Variants in RAB10 observed in about 807,000 individuals in gnomAD.
RAB10 encodes RAB10, member RAS oncogene family, also known as ras-related protein Rab-10.
RAB10 carries 5 observed loss-of-function variants against 25.7 expected under a neutral mutation model. The observed-to-expected ratio is 0.19, with a 90% CI of 0.10 to 0.41. The LOEUF is 0.41. RAB10 is among the 10% of genes least tolerant of loss of function. The pLI is 1.00. For missense variants in RAB10, 103 were observed against 245.8 expected (o/e 0.42, Z 3.89); for synonymous variants, 89 against 86.4 (o/e 1.03, Z -0.16).
intron 1 of RAB10, among the ~76,000 whole-genome samples, chr2:26,060,958 A>T (rs1666381164): frequency 6.6e-6 from 1 of 152,122 alleles, no homozygotes; most frequent in South Asian, 2.1e-4. Flanking sequence ...CTTCAGTTAC[A>T]TGTAATTTTG....
chr2:26,123,391 A>G (rs897562211), intron 3 of RAB10, among the ~76,000 whole-genome samples: 10 of 152,334 alleles, frequency 6.6e-5, no homozygotes, highest in African/African-American at 2.4e-4. Flanking sequence ...GAACATCATG[A>G]AAATCTGGAG....
At chr2:26,045,238 C>CTT (rs202201784) in intron 1 of RAB10, among the ~76,000 whole-genome samples, 4 of 146,476 alleles carry the variant, frequency 2.7e-5, no homozygotes, top group African/African-American at 7.5e-5. Context: ...TCTCTTTCAA[C>CTT]TTTTTTTTTT....
At chr2:26,119,902 C>T (rs1319665362) in intron 3 of RAB10, among the ~76,000 whole-genome samples, 1 of 152,154 alleles carries the variant, frequency 6.6e-6, no homozygotes, top group Non-Finnish European at 1.5e-5. Flanking sequence ...ATACCTATTT[C>T]CTCACTAGCC....
intron 5 of RAB10, among the ~76,000 whole-genome samples, chr2:26,128,526 C>A (rs1176570025): frequency 1.3e-5 from 2 of 152,092 alleles, no homozygotes; most frequent in African/African-American, 4.8e-5. Context: ...TTATTTTTTC[C>A]AGCTTTTTGT....
chr2:26,065,444 T>G (rs1183581321), intron 1 of RAB10, among the ~76,000 whole-genome samples: 5 of 152,180 alleles, frequency 3.3e-5, no homozygotes, highest in African/African-American at 1.2e-4. Context: ...CTTCCCTGTT[T>G]GCAAGCTTTT....
chr2:26,057,424 G>A (rs1666292665), intron 1 of RAB10, among the ~76,000 whole-genome samples: 1 of 146,224 alleles, frequency 6.8e-6, no homozygotes, highest in South Asian at 2.1e-4. Flanking sequence ...GGGCAACATA[G>A]ACAGTCTCTA....
intron 1 of RAB10, among the ~76,000 whole-genome samples, chr2:26,075,151 T>C (rs1428164067): frequency 6.6e-6 from 1 of 152,150 alleles, no homozygotes; most frequent in Non-Finnish European, 1.5e-5. Context: ...ATACAAAAGA[T>C]GCCAAGGTGA....
intron 1 of RAB10, among the ~76,000 whole-genome samples, chr2:26,080,240 A>G (rs956652207): frequency 6.6e-6 from 1 of 152,148 alleles, no homozygotes; most frequent in African/African-American, 2.4e-5. Context: ...TTGAATAAAC[A>G]AATGAATGGG....
At chr2:26,054,864 C>G (rs903587758) in intron 1 of RAB10, among the ~76,000 whole-genome samples, 3 of 151,896 alleles carry the variant, frequency 2.0e-5, no homozygotes, top group African/African-American at 7.3e-5. Flanking sequence ...GCCTGTAGTC[C>G]CAGCTACTTG....
At chr2:26,062,847 G>A (rs936958662) in intron 1 of RAB10, among the ~76,000 whole-genome samples, 2 of 152,120 alleles carry the variant, frequency 1.3e-5, no homozygotes, top group African/African-American at 4.8e-5. Flanking sequence ...AGGTGTGGTG[G>A]CTCATGCCTG....
chr2:26,107,989 G>A (rs1667500826), intron 2 of RAB10, among the ~76,000 whole-genome samples: 2 of 152,040 alleles, frequency 1.3e-5, no homozygotes, highest in Admixed American at 1.3e-4. Context: ...TAGAACTACA[G>A]AAATAAAAAA....
In RAB10 at chr2:26,135,824, C is replaced by A. The variant is rs1346161288; in HGVS notation, c.*803C>A. 1 of 152,638 alleles carries A rather than the reference C, an allele frequency of 6.6e-6. No homozygotes were observed. Among genetic ancestry groups the A allele is most frequent in the Non-Finnish European group, 1.5e-5 (1 of 68,060 alleles). 9.5% of individuals were successfully genotyped at this position (152,638 alleles called of 1,614,324 possible). A position where few individuals can be genotyped will look rare whatever the true frequency, so the allele number is the denominator to read the frequency against. On this transcript the variant is annotated 3_prime_UTR_variant, in exon 6 of 6. Coordinates refer to ENST00000264710, the MANE Select transcript of RAB10 (RefSeq NM_016131.5). ...GCTTTATTTGCTTCTCCCTCCCCAA[C>A]CACCTCATGGTATATTTAAGAGTGA...
chr2:26,051,235 C>T (rs1417321628), intron 1 of RAB10, among the ~76,000 whole-genome samples: 1 of 151,894 alleles, frequency 6.6e-6, no homozygotes, highest in Non-Finnish European at 1.5e-5. Context: ...CCATGCCTGG[C>T]ATAAATTTGT....
At chr2:26,051,967 G>T (rs1355843464) in intron 1 of RAB10, among the ~76,000 whole-genome samples, 2 of 151,148 alleles carry the variant, frequency 1.3e-5, no homozygotes, top group African/African-American at 4.9e-5. Flanking sequence ...TGAGTCAGGA[G>T]AATCACTTGA....
intron 1 of RAB10, among the ~76,000 whole-genome samples, chr2:26,093,662 C>T (rs1329334366): frequency 6.6e-6 from 1 of 152,052 alleles, no homozygotes. Context: ...AGAGGATTTA[C>T]GAAGTAGCAT....
At chr2:26,108,943 G>T (rs1368097102) in intron 2 of RAB10, among the ~76,000 whole-genome samples, 2 of 150,652 alleles carry the variant, frequency 1.3e-5, no homozygotes, top group Non-Finnish European at 3.0e-5. Flanking sequence ...ACGGAGTCTC[G>T]CTCTGTCACC....
chr2:26,045,297 T>C (rs1384679221), intron 1 of RAB10, among the ~76,000 whole-genome samples: 1 of 151,472 alleles, frequency 6.6e-6, no homozygotes, highest in Non-Finnish European at 1.5e-5. Flanking sequence ...TGGAGTGCAG[T>C]GGCACAATCT....
chr2:26,066,615 C>T (rs1462381119), intron 1 of RAB10, among the ~76,000 whole-genome samples: 2 of 151,970 alleles, frequency 1.3e-5, no homozygotes, highest in African/African-American at 4.8e-5. Context: ...CTTACAAAAC[C>T]ATCAGATCTT....
intron 1 of RAB10, among the ~76,000 whole-genome samples, chr2:26,078,057 A>G (rs1574540772): frequency 6.6e-6 from 1 of 152,354 alleles, no homozygotes; most frequent in African/African-American, 2.4e-5. Context: ...TGAATCATCC[A>G]AAAATTAAAG....
Sources: gnomAD v4.1 joint callset for allele counts (sites outside exome capture counted in the v4.1 genomes callset) on GRCh38, gnomAD v4.1.1 for gene constraint, MANE v1.5 for transcripts, NCBI Gene and HGNC (gene_info 2026-07-23, HGNC 2026-07-21) for gene names.